The following ALCAM variants were observed in gnomAD, a reference collection of about 807,000 sequenced individuals.
The protein encoded by ALCAM is activated leukocyte cell adhesion molecule.
A neutral mutation model predicts 70.9 loss-of-function variants in ALCAM; 30 were observed. The observed-to-expected ratio is 0.42, with a 90% confidence interval of 0.32 to 0.57. ALCAM has a LOEUF of 0.57. ALCAM is among the 20% of genes least tolerant of loss of function. The pLI, the probability that ALCAM is intolerant of heterozygous loss-of-function variation, is 0.11. For missense variants in ALCAM, 591 were observed against 695.1 expected, an observed-to-expected ratio of 0.85 and a Z score of 1.68; for synonymous variants, 249 against 242.5, an observed-to-expected ratio of 1.03 and a Z score of -0.25.
chr3:105,569,951 A>G (rs1211855408), intron 14 of ALCAM, among the ~76,000 whole-genome samples: 1 of 152,154 alleles, frequency 6.6e-6, no homozygotes, highest in Non-Finnish European at 1.5e-5. Context: ...GGTAGACCAA[A>G]TTTTACTAAA....
chr3:105,512,369 G>A (rs1046631828), intron 1 of ALCAM, among the ~76,000 whole-genome samples: 3 of 151,684 alleles, frequency 2.0e-5, no homozygotes, highest in East Asian at 3.9e-4. Flanking sequence ...ATGTTTTTAC[G>A]AATGCAGTAC....
chr3:105,528,131 C>CAA (rs1221079782), intron 3 of ALCAM, among the ~76,000 whole-genome samples: 2 of 152,166 alleles, frequency 1.3e-5, no homozygotes. Context: ...GCTCTCCTCT[C>CAA]TTATTAAATT....
At chr3:105,495,926 T>G (rs530916307) in intron 1 of ALCAM, among the ~76,000 whole-genome samples, 1 of 152,354 alleles carries the variant, frequency 6.6e-6, no homozygotes, top group Admixed American at 6.5e-5. Context: ...CTTTCAACAA[T>G]TGGCTGTTCT....
intron 14 of ALCAM, 88 bp downstream of exon 14, chr3:105,552,673 A>G (rs1940438626): frequency 6.3e-7 from 1 of 1,592,040 alleles, no homozygotes; most frequent in South Asian, 1.1e-5. Flanking sequence ...CCAGTCGTGC[A>G]TATAATTTAT....
chr3:105,428,079 T>C (rs1014347793), intron 1 of ALCAM, among the ~76,000 whole-genome samples: 3 of 152,020 alleles, frequency 2.0e-5, no homozygotes, highest in Admixed American at 6.6e-5. Flanking sequence ...GAACTAAATA[T>C]TTGAATCTCT....
At chr3:105,556,162 T>C (rs1940511849) in intron 14 of ALCAM, among the ~76,000 whole-genome samples, 1 of 152,004 alleles carries the variant, frequency 6.6e-6, no homozygotes, top group African/African-American at 2.4e-5. Flanking sequence ...ATTCCTATCT[T>C]GCATATCTCA....
chr3:105,509,567 G>C (rs1394759833), intron 1 of ALCAM, among the ~76,000 whole-genome samples: 2 of 151,000 alleles, frequency 1.3e-5, no homozygotes, highest in African/African-American at 2.4e-5. Flanking sequence ...CTTCTCTGTG[G>C]GTTTTGTTTT....
In ALCAM at chr3:105,504,814, G is replaced by T. The variant is rs553748313; in HGVS notation, c.74-15253G>T. The stretch of plus-strand genomic sequence containing the variant: ...AAATGCCTGTCTTCACCTAGGTGTG[G>T]GGACACAGGCCTGGGGGTGGAGCCC... On this transcript the variant is annotated intron_variant, in intron 1 of 15. Coordinates refer to ENST00000306107, the MANE Select transcript of ALCAM (RefSeq NM_001627.4). 7.9e-5 allele frequency among the ~76,000 whole-genome samples: 12 copies of T among 152,310 alleles called. No individual in the cohort carries two copies. The East Asian group carries it at 1.9e-3, about 25-fold the overall frequency.
At chr3:105,556,126 A>G (rs1940511144) in intron 14 of ALCAM, among the ~76,000 whole-genome samples, 1 of 152,044 alleles carries the variant, frequency 6.6e-6, no homozygotes, top group Non-Finnish European at 1.5e-5. Flanking sequence ...GTTCTACAGG[A>G]AGTTAAATGT....
At chr3:105,572,353 G>A (rs970081058) in intron 15 of ALCAM, among the ~76,000 whole-genome samples, 3 of 152,066 alleles carry the variant, frequency 2.0e-5, no homozygotes, top group African/African-American at 4.8e-5. Context: ...CTGTTCTTGC[G>A]TTAGTTTGCT....
At chr3:105,533,720 AC>A (rs1939901389) in intron 5 of ALCAM, 30 bp downstream of exon 5, 2 of 1,584,732 alleles carry the variant, frequency 1.3e-6, no homozygotes, top group Non-Finnish European at 1.7e-6. Context: ...GACAGGGAGT[AC>A]ATTCAGAGGA....
At chr3:105,447,752 T>A (rs1331775330) in intron 1 of ALCAM, among the ~76,000 whole-genome samples, 2 of 152,194 alleles carry the variant, frequency 1.3e-5, no homozygotes, top group Non-Finnish European at 2.9e-5. Flanking sequence ...TGTTTATACC[T>A]TTGTAAATAT....
intron 1 of ALCAM, among the ~76,000 whole-genome samples, chr3:105,477,436 A>G (rs1280136593): frequency 6.6e-6 from 1 of 152,094 alleles, no homozygotes; most frequent in Non-Finnish European, 1.5e-5. Flanking sequence ...AGTGCTTTAA[A>G]GATGTTGATT....
At chr3:105,558,473 A>G (rs1051516769) in intron 14 of ALCAM, among the ~76,000 whole-genome samples, 1 of 151,936 alleles carries the variant, frequency 6.6e-6, no homozygotes, top group Non-Finnish European at 1.5e-5. Flanking sequence ...TGCACCTACC[A>G]CTGTCATCCC....
At chr3:105,448,574 A>T (rs1937350061) in intron 1 of ALCAM, among the ~76,000 whole-genome samples, 1 of 152,186 alleles carries the variant, frequency 6.6e-6, no homozygotes. Context: ...AGAAGTATTA[A>T]CAGGACTTCT....
chr3:105,532,154 G>A, intron 4 of ALCAM, 88 bp downstream of exon 4: 2 of 1,156,892 alleles, frequency 1.7e-6, no homozygotes, highest in East Asian at 2.4e-5. Flanking sequence ...AGTAAGAAAG[G>A]CTTTGCTCTT....
intron 1 of ALCAM, among the ~76,000 whole-genome samples, chr3:105,481,427 A>G (rs1263204947): frequency 6.6e-6 from 1 of 152,148 alleles, no homozygotes; most frequent in African/African-American, 2.4e-5. Context: ...GATGGAATTG[A>G]TGGCTTATTT....
intron 1 of ALCAM, 58 bp from the exon 2 acceptor site, chr3:105,520,009 T>G: frequency 8.9e-7 from 1 of 1,126,788 alleles, no homozygotes; most frequent in Non-Finnish European, 1.3e-6. Flanking sequence ...CAAGAAAGCA[T>G]TTAAAATTTT....
At chr3:105,532,884 C>T (rs1306609251) in intron 4 of ALCAM, among the ~76,000 whole-genome samples, 1 of 151,974 alleles carries the variant, frequency 6.6e-6, no homozygotes, top group Admixed American at 6.6e-5. Flanking sequence ...AATTATGCTA[C>T]TGAAAGATTG....
Sources: gnomAD v4.1 joint callset for allele counts (sites outside exome capture counted in the v4.1 genomes callset) on GRCh38, gnomAD v4.1.1 for gene constraint, MANE v1.5 for transcripts, NCBI Gene and HGNC (gene_info 2026-07-23, HGNC 2026-07-21) for gene names.